The following NCAM2 variants were observed in gnomAD, a reference collection of about 807,000 sequenced individuals.
The protein encoded by NCAM2 is N-CAM-2.
In NCAM2, 30 loss-of-function variants were observed where a neutral mutation model predicts 98.1. The observed-to-expected ratio is 0.31, with a 90% CI of 0.23 to 0.41. The LOEUF is 0.41. NCAM2 is among the 10% of genes least tolerant of loss of function. NCAM2 has a pLI of 1.00. For missense variants in NCAM2, 867 were observed against 1,005.8 expected (o/e 0.86, Z 1.87); for synonymous variants, 368 against 342.4 (o/e 1.07, Z -0.83).
In NCAM2 at chr21:21,374,525, A is replaced by C. The variant is rs576668702; in HGVS notation, c.1195+512A>C. On this transcript the variant is annotated intron_variant, in intron 9 of 17. Coordinates refer to ENST00000400546, the MANE Select transcript of NCAM2 (RefSeq NM_004540.5). ...TCTGTCTGGAAGAAAGGAGCATGAC[A>C]AGGATAGTTTTTAAAATAAATTTAA... 1.5e-3 allele frequency among the ~76,000 whole-genome samples: 225 copies of C among 151,952 alleles called. 2 individuals are homozygous for C. The South Asian group carries it at 0.021, about 14-fold the overall frequency.
intron 1 of NCAM2, among the ~76,000 whole-genome samples, chr21:21,250,103 T>C (rs545311186): frequency 6.6e-6 from 1 of 152,308 alleles, no homozygotes; most frequent in East Asian, 1.9e-4. Flanking sequence ...AGGTAGTATT[T>C]AGCTTGATTA....
intron 1 of NCAM2, among the ~76,000 whole-genome samples, chr21:21,218,164 G>A (rs763849384): frequency 3.9e-5 from 6 of 152,166 alleles, no homozygotes; most frequent in South Asian, 4.1e-4. Context: ...GCATAAATGC[G>A]TTTAGGATAT....
At chr21:21,214,314 A>G (rs993094591) in intron 1 of NCAM2, among the ~76,000 whole-genome samples, 1 of 152,176 alleles carries the variant, frequency 6.6e-6, no homozygotes, top group African/African-American at 2.4e-5. Context: ...TAGTAATGTC[A>G]GTATTTCTAA....
At chr21:21,240,337 A>G (rs2071014837) in intron 1 of NCAM2, among the ~76,000 whole-genome samples, 1 of 151,236 alleles carries the variant, frequency 6.6e-6, no homozygotes, top group African/African-American at 2.4e-5. Flanking sequence ...AAACATTTGC[A>G]TGCAAAAATA....
intron 1 of NCAM2, among the ~76,000 whole-genome samples, chr21:21,256,121 G>A (rs985790529): frequency 2.6e-5 from 4 of 152,098 alleles, no homozygotes; most frequent in African/African-American, 7.2e-5. Flanking sequence ...TTGGGAGGTC[G>A]AGGTGGGTGG....
intron 1 of NCAM2, among the ~76,000 whole-genome samples, chr21:21,241,556 T>C (rs1262554474): frequency 1.3e-5 from 2 of 152,260 alleles, no homozygotes; most frequent in African/African-American, 4.8e-5. Flanking sequence ...GTAAATCACA[T>C]GTGCTTTACC....
intron 1 of NCAM2, among the ~76,000 whole-genome samples, chr21:21,062,200 A>C (rs2065336822): frequency 6.6e-6 from 1 of 152,232 alleles, no homozygotes; most frequent in African/African-American, 2.4e-5. Context: ...CATATACGTA[A>C]GTATAAACAA....
chr21:21,137,295 TA>T (rs1293441259), intron 1 of NCAM2, among the ~76,000 whole-genome samples: 1 of 152,234 alleles, frequency 6.6e-6, no homozygotes, highest in Non-Finnish European at 1.5e-5. Flanking sequence ...TTCTGTTACT[TA>T]AAAGAAATTA....
At chr21:21,045,918 T>C (rs2064999893) in intron 1 of NCAM2, among the ~76,000 whole-genome samples, 1 of 152,204 alleles carries the variant, frequency 6.6e-6, no homozygotes, top group African/African-American at 2.4e-5. Context: ...CAAATTTGTA[T>C]CAGATATGTA....
chr21:21,348,126 G>T (rs1348544484), intron 8 of NCAM2, among the ~76,000 whole-genome samples: 2 of 152,110 alleles, frequency 1.3e-5, no homozygotes, highest in East Asian at 3.9e-4. Flanking sequence ...AATTAGACAA[G>T]AGAAAGATCT....
At chr21:21,407,134 G>A (rs2076755249) in intron 9 of NCAM2, among the ~76,000 whole-genome samples, 1 of 152,140 alleles carries the variant, frequency 6.6e-6, no homozygotes. Flanking sequence ...ACTTCAGATG[G>A]TGCTATGCAA....
At chr21:21,243,625 C>T (rs1450553495) in intron 1 of NCAM2, among the ~76,000 whole-genome samples, 2 of 152,144 alleles carry the variant, frequency 1.3e-5, no homozygotes, top group Non-Finnish European at 2.9e-5. Flanking sequence ...GCATGCCCAC[C>T]ATCACATGAC....
At chr21:21,442,837 A>G (rs1979500084) in intron 12 of NCAM2, among the ~76,000 whole-genome samples, 1 of 152,170 alleles carries the variant, frequency 6.6e-6, no homozygotes, top group Non-Finnish European at 1.5e-5. Flanking sequence ...AAAAATAATA[A>G]AAGAAAATAT....
intron 1 of NCAM2, among the ~76,000 whole-genome samples, chr21:21,125,714 T>TATAGAGAGAG (rs1555887746): frequency 0.19 from 26,014 of 134,028 alleles, 2,617 homozygotes; most frequent in Middle Eastern, 0.23. Flanking sequence ...TATATATATA[T>TATAGAGAGAG]AGAGAGAGAG....
intron 1 of NCAM2, among the ~76,000 whole-genome samples, chr21:21,094,051 T>C (rs1337598746): frequency 6.6e-6 from 1 of 152,004 alleles, no homozygotes; most frequent in East Asian, 1.9e-4. Flanking sequence ...GATATGTTCA[T>C]GTCCATGAGA....
chr21:21,416,387 T>C (rs2076993909), intron 10 of NCAM2, among the ~76,000 whole-genome samples: 1 of 151,756 alleles, frequency 6.6e-6, no homozygotes, highest in Non-Finnish European at 1.5e-5. Context: ...TTTAAAATAT[T>C]GAGAGAATTA....
rs563013630 is a variant in NCAM2 at position 21,294,462 on chromosome 21, A to G, written c.619+2221A>G. On this transcript the variant is annotated intron_variant, in intron 5 of 17. Transcript: ENST00000400546. The stretch of plus-strand genomic sequence containing the variant: ...ATCAGTTGGACCCTCCCAAAAGTAA[A>G]TTCTTCTCCTCTGTCTCCCACTTTC... Among the ~76,000 whole-genome samples the G allele has an allele frequency of 2.0e-3, 297 of 151,970 alleles. 1 individual carries two copies. The highest frequency in any genetic ancestry group is 3.3e-3 in the Admixed American group (50 of 15,212).
chr21:21,414,485 T>TC (rs1179528812), intron 10 of NCAM2, among the ~76,000 whole-genome samples: 1 of 150,906 alleles, frequency 6.6e-6, no homozygotes, highest in Non-Finnish European at 1.5e-5. Context: ...TTTTTTTTTT[T>TC]TTTGAGAGGG....
intron 1 of NCAM2, among the ~76,000 whole-genome samples, chr21:21,007,123 C>T (rs1211013734): frequency 6.6e-6 from 1 of 152,146 alleles, no homozygotes; most frequent in Non-Finnish European, 1.5e-5. Flanking sequence ...ATCAGAAATG[C>T]ATGTCTTTAC....
Sources: allele counts gnomAD v4.1 joint callset (sites outside exome capture counted in the v4.1 genomes callset), GRCh38; gene constraint gnomAD v4.1.1; transcripts MANE v1.5; gene names NCBI Gene and HGNC (gene_info 2026-07-23, HGNC 2026-07-21).